The following DCSTAMP variants were observed in gnomAD, a reference collection of about 807,000 sequenced individuals.
DCSTAMP encodes the protein dendritic cell-specific transmembrane protein.
A neutral mutation model predicts 33.8 loss-of-function variants in DCSTAMP; 25 were observed. The ratio of observed to expected loss-of-function variants is 0.74; its 90% CI spans 0.54 to 1.03. DCSTAMP has a LOEUF of 1.03. DCSTAMP is among the 50% of genes least tolerant of loss of function. The pLI is 0.00. For missense variants in DCSTAMP, 531 were observed against 556.8 expected (o/e 0.95, Z 0.47); for synonymous variants, 245 against 216.7 (o/e 1.13, Z -1.15).
intron 1 of DCSTAMP, among the ~76,000 whole-genome samples, chr8:104,343,647 C>T (rs2099383354): frequency 6.6e-6 from 1 of 152,204 alleles, no homozygotes; most frequent in Non-Finnish European, 1.5e-5. Flanking sequence ...TCACCATTGT[C>T]TAAGAGAGAG....
intron 1 of DCSTAMP, among the ~76,000 whole-genome samples, chr8:104,343,555 T>C (rs1256605089): frequency 6.6e-6 from 1 of 152,116 alleles, no homozygotes; most frequent in Non-Finnish European, 1.5e-5. Context: ...AAGGAAGTAA[T>C]TAAGGTTAAA....
chr8:104,348,448 C>G, intron 1 of DCSTAMP, 93 bp from the exon 2 acceptor site: 2 of 1,292,576 alleles, frequency 1.5e-6, no homozygotes, highest in Non-Finnish European at 2.1e-6. Context: ...ATTATGGCCA[C>G]GTTTTTTGTA....
In DCSTAMP at chr8:104,348,815, C is replaced by T. The variant is rs1564065554; in HGVS notation, c.263C>T (p.Ser88Phe). 6.2e-7 allele frequency: 1 copy of T among 1,614,200 alleles called. No individual in the cohort carries two copies. Among genetic ancestry groups the T allele is most frequent in the South Asian group, 1.1e-5 (1 of 91,078 alleles). ...TGTTTTATTCTTCTTGTCTTTCTCT[C>T]TTGTGGCCTGCGTGAAGGCAGGAAT... The part of the protein sequence containing the change: ...ARCFILLVFL[S>F]CGLREGRNAL... Residue 88 changes from serine (S) to phenylalanine (F), a missense_variant, in exon 2 of 4, where the codon TCT becomes TTT. Coordinates refer to ENST00000297581, the MANE Select transcript of DCSTAMP (RefSeq NM_030788.4).
At chr8:104,349,603 C>T (rs1280244402) in intron 2 of DCSTAMP, 22 bp downstream of exon 2, 4 of 1,588,562 alleles carry the variant, frequency 2.5e-6, no homozygotes, top group Admixed American at 1.8e-5. Context: ...AGGTACTTCT[C>T]ATGGTTTATC....
chr8:104,345,624 C>T (rs1414294991), intron 1 of DCSTAMP, among the ~76,000 whole-genome samples: 1 of 151,996 alleles, frequency 6.6e-6, no homozygotes, highest in African/African-American at 2.4e-5. Flanking sequence ...GTTAATGTGT[C>T]CATAAATCTT....
chr8:104,350,471 A>G (rs1006782457), intron 2 of DCSTAMP, among the ~76,000 whole-genome samples: 2 of 152,206 alleles, frequency 1.3e-5, no homozygotes, highest in African/African-American at 2.4e-5. Flanking sequence ...ATGATTGTTG[A>G]AAAGGGCTCC....
At position 104,348,973 on chromosome 8, in the gene DCSTAMP, T is replaced by A; in HGVS notation, c.421T>A (p.Leu141Met). ...AKSFSIHFPL[L>M]KKYIEAIQWI... ...GAGCTTTTCCATACATTTTCCACTTTTGAAAAAATATATTGAGGCAATTCA... is the reference window on the plus strand; with the variant it reads ...GAGCTTTTCCATACATTTTCCACTTATGAAAAAATATATTGAGGCAATTCA... Residue 141 changes from leucine to methionine, a missense_variant, in exon 2 of 4, where the codon TTG (leucine) becomes ATG (methionine). Transcript: ENST00000297581. 1 of 1,614,222 alleles carries A rather than the reference T, an allele frequency of 6.2e-7. No homozygotes were observed. Among genetic ancestry groups the A allele is most frequent in the Non-Finnish European group, 8.5e-7 (1 of 1,180,034 alleles).
chr8:104,344,155 C>A (rs539529421), intron 1 of DCSTAMP, among the ~76,000 whole-genome samples: 16 of 152,292 alleles, frequency 1.1e-4, no homozygotes, highest in Non-Finnish European at 1.8e-4. Flanking sequence ...TTTTCCTCAA[C>A]TGTGACTATC....
In DCSTAMP at chr8:104,354,910, T is replaced by C. The variant is rs956908833; in HGVS notation, c.1063T>C (p.Ser355Pro). 6.2e-7 allele frequency: 1 copy of C among 1,606,238 alleles called. No individual in the cohort carries two copies. Among genetic ancestry groups the C allele is most frequent in the African/African-American group, 1.3e-5 (1 of 74,706 alleles). ...AACTCAAGATATTATCCATGATTCT[T>C]CCTTTAATATATCTGTGTTTGAACC... Reference protein sequence around the residue: ...QGTQDIIHDSSFNISVFEPNC... With the variant: ...QGTQDIIHDSPFNISVFEPNC... Residue 355 changes from serine to proline, a missense_variant, in exon 3 of 4, where the codon TCC (serine) becomes CCC (proline). By Grantham distance (74) the Ser-to-Pro change is moderately conservative. Coordinates refer to ENST00000297581, the MANE Select transcript of DCSTAMP (RefSeq NM_030788.4).
At chr8:104,355,439 G>A (rs1393844165) in intron 3 of DCSTAMP, among the ~76,000 whole-genome samples, 1 of 152,194 alleles carries the variant, frequency 6.6e-6, no homozygotes, top group East Asian at 1.9e-4. Flanking sequence ...TTCAGTCATT[G>A]TAGAGAGGCG....
In DCSTAMP at chr8:104,349,271, G is replaced by A. The variant is rs767210591; in HGVS notation, c.719G>A (p.Trp240Ter). 1 of 1,614,200 alleles carries A rather than the reference G, an allele frequency of 6.2e-7. No homozygotes were observed. The highest frequency in any genetic ancestry group is 8.5e-7 in the Non-Finnish European group (1 of 1,180,040). The change falls in exon 2 of 4, where the codon TGG becomes TAG. Residue 240 changes from tryptophan to a stop codon, truncating the protein, a stop_gained. Transcript: ENST00000297581. LOFTEE classifies it high-confidence loss of function. The part of the protein sequence containing the change: ...FMKRFLGPCG[W>*]KYENIYITRQ... ...AAGCGATTTTTGGGCCCTTGTGGTT[G>A]GAAGTATGAAAACATCTACATCACC...
Position 104,349,344 on chromosome 8 carries a change from C to T in DCSTAMP, c.792C>T (p.Pro264=), listed in dbSNP as rs139353637. 11 of 1,614,192 alleles carry T rather than the reference C, an allele frequency of 6.8e-6. No homozygotes were observed. In the East Asian group the frequency reaches 2.2e-4, roughly 33 times the overall value. Residue 264 remains proline, a synonymous_variant, in exon 2 of 4, where the codon CCC becomes CCT. Coordinates refer to ENST00000297581, the MANE Select transcript of DCSTAMP (RefSeq NM_030788.4). The part of the protein sequence containing the change: ...FDERERHQQR[P]CVLPLNKEER... ...AAAGGGAGAGACATCAACAGAGGCC[C>T]TGTGTGCTCCCGCTGAATAAGGAGG...
At position 104,348,729 on chromosome 8, in the gene DCSTAMP, A is replaced by G; in HGVS notation, c.177A>G (p.Ile59Met). The change falls in exon 2 of 4, where the codon ATA becomes ATG. Residue 59 changes from isoleucine to methionine, a missense_variant. By Grantham distance (10) the Ile-to-Met change is conservative (BLOSUM62 1). Transcript: ENST00000297581. ...VAACWFLPSI[I>M]AAAASWIITC... ...CCTGCTGGTTTCTGCCATCAATCATAGCGGCCGCTGCCTCCTGGATTATCA... is the reference window on the plus strand; with the variant it reads ...CCTGCTGGTTTCTGCCATCAATCATGGCGGCCGCTGCCTCCTGGATTATCA... 2 of 1,614,104 alleles carry G rather than the reference A, an allele frequency of 1.2e-6. No homozygotes were observed. Among genetic ancestry groups the G allele is most frequent in the South Asian group, 2.2e-5 (2 of 91,064 alleles).
At chr8:104,353,786 C>T (rs1810534383) in intron 2 of DCSTAMP, among the ~76,000 whole-genome samples, 1 of 152,230 alleles carries the variant, frequency 6.6e-6, no homozygotes, top group African/African-American at 2.4e-5. Flanking sequence ...AAGTCATTTA[C>T]CTTTTCCCAG....
In DCSTAMP at chr8:104,351,225, G is replaced by A. The variant is rs191572262; in HGVS notation, c.1029+1644G>A. ...TTGTGCTTATGCTGACATTTCAGAG[G>A]ATCTGGATATTGTGAGACACTTGTC... On this transcript the variant is annotated intron_variant, in intron 2 of 3. Coordinates refer to ENST00000297581, the MANE Select transcript of DCSTAMP (RefSeq NM_030788.4). Among the ~76,000 whole-genome samples, 30 of 152,246 alleles carry A rather than the reference G, an allele frequency of 2.0e-4. No individual in the cohort carries two copies. The South Asian group carries it at 2.9e-3, about 15-fold the overall frequency.
intron 1 of DCSTAMP, among the ~76,000 whole-genome samples, chr8:104,348,144 T>C (rs555022249): frequency 6.6e-6 from 1 of 152,214 alleles, no homozygotes; most frequent in Non-Finnish European, 1.5e-5. Flanking sequence ...TCCAGAACTG[T>C]GAGAGAATAA....
rs189898294 is a variant in DCSTAMP at position 104,349,755 on chromosome 8, G to A, written c.1029+174G>A. Among the ~76,000 whole-genome samples, 15 of 152,280 alleles carry A rather than the reference G, an allele frequency of 9.9e-5. No individual in the cohort carries two copies. The East Asian group carries it at 1.5e-3, about 16-fold the overall frequency. On this transcript the variant is annotated intron_variant, in intron 2 of 3. Transcript: ENST00000297581. ...CAACAATTGCAGGTCAAATTGAATC[G>A]AAGTCCCAATGTTAGGGTGTGATTC... is the stretch of plus-strand genomic sequence containing the variant.
intron 3 of DCSTAMP, among the ~76,000 whole-genome samples, chr8:104,355,817 T>C (rs1810611809): frequency 6.6e-6 from 1 of 152,214 alleles, no homozygotes; most frequent in African/African-American, 2.4e-5. Context: ...GCTTAATAGA[T>C]GCAAAACTGT....
chr8:104,349,706 A>G (rs1810413243), intron 2 of DCSTAMP, 125 bp downstream of exon 2: 3 of 1,068,424 alleles, frequency 2.8e-6, no homozygotes, highest in South Asian at 3.2e-5. Flanking sequence ...TGCCCAGCAT[A>G]GTGCTTGGCA....
Sources: gnomAD v4.1 joint callset for allele counts (sites outside exome capture counted in the v4.1 genomes callset) on GRCh38, gnomAD v4.1.1 for gene constraint, MANE v1.5 for transcripts, NCBI Gene and HGNC (gene_info 2026-07-23, HGNC 2026-07-21) for gene names.